Variants in CBLB observed in about 807,000 individuals in gnomAD.
CBLB encodes the protein Cbl proto-oncogene B.
CBLB carries 31 observed loss-of-function variants against 104.9 expected under a neutral mutation model. The ratio of observed to expected loss-of-function variants is 0.30; its 90% CI spans 0.22 to 0.40. The LOEUF is 0.40. Ranked by LOEUF, CBLB falls within the 10% of genes least tolerant of loss-of-function variation. The probability of loss-of-function intolerance (pLI) is 1.00; values close to 1 mark genes in which losing one functional copy is unlikely to be tolerated. For synonymous variants in CBLB, 440 were observed against 422.6 expected, an observed-to-expected ratio of 1.04 and a Z score of -0.51; for missense variants, 1,062 against 1,214.6, an observed-to-expected ratio of 0.87 and a Z score of 1.87.
At chr3:105,689,568 T>G (rs912656635) in intron 13 of CBLB, among the ~76,000 whole-genome samples, 1 of 151,124 alleles carries the variant, frequency 6.6e-6, no homozygotes, top group Admixed American at 6.6e-5. Context: ...TGGAAGTAAT[T>G]ACTCCATTAT....
At chr3:105,841,839 G>A (rs1028670040) in intron 3 of CBLB, among the ~76,000 whole-genome samples, 1 of 152,058 alleles carries the variant, frequency 6.6e-6, no homozygotes, top group African/African-American at 2.4e-5. Flanking sequence ...GAGAACATGA[G>A]ATACATTATG....
At chr3:105,847,717 C>T (rs1424601454) in intron 3 of CBLB, among the ~76,000 whole-genome samples, 4 of 151,944 alleles carry the variant, frequency 2.6e-5, no homozygotes, top group Admixed American at 2.6e-4. Context: ...CAGTATCCTT[C>T]GGCCATCATC....
At chr3:105,774,242 GT>G (rs34865170) in intron 4 of CBLB, among the ~76,000 whole-genome samples, 1 of 151,984 alleles carries the variant, frequency 6.6e-6, no homozygotes, top group Non-Finnish European at 1.5e-5. Flanking sequence ...GGAGAACTAA[GT>G]TTTGGGAAAA....
intron 10 of CBLB, among the ~76,000 whole-genome samples, chr3:105,711,467 T>C (rs187690190): frequency 6.6e-6 from 1 of 152,178 alleles, no homozygotes; most frequent in African/African-American, 2.4e-5. Flanking sequence ...ATACAGAATA[T>C]TATTCAGAGA....
chr3:105,855,226 G>C (rs1331968748), intron 2 of CBLB, among the ~76,000 whole-genome samples: 2 of 150,012 alleles, frequency 1.3e-5, no homozygotes, highest in East Asian at 3.9e-4. Context: ...CAAAGAAACA[G>C]AGAGTAGAAC....
At chr3:105,868,270 C>A (rs1706441883) in intron 1 of CBLB, 2 of 1,220,564 alleles carry the variant, frequency 1.6e-6, no homozygotes, top group Admixed American at 4.2e-5. Flanking sequence ...ATGACAAGAG[C>A]GGCCACGGAA....
At chr3:105,746,892 G>A (rs1057360425) in intron 5 of CBLB, among the ~76,000 whole-genome samples, 12 of 152,198 alleles carry the variant, frequency 7.9e-5, no homozygotes, top group African/African-American at 2.7e-4. Context: ...AATTGTCATT[G>A]AACAGATAGA....
chr3:105,802,322 T>G (rs1304797928), intron 3 of CBLB, among the ~76,000 whole-genome samples: 2 of 152,236 alleles, frequency 1.3e-5, no homozygotes, highest in East Asian at 3.8e-4. Context: ...TAATTCCTCC[T>G]TGGCCTTATG....
chr3:105,756,854 G>C (rs1026058641), intron 4 of CBLB, among the ~76,000 whole-genome samples: 2 of 152,190 alleles, frequency 1.3e-5, no homozygotes, highest in Admixed American at 1.3e-4. Flanking sequence ...CAATTTTGGA[G>C]GTAGAGCCCA....
At chr3:105,837,893 C>T (rs999618000) in intron 3 of CBLB, among the ~76,000 whole-genome samples, 1 of 152,126 alleles carries the variant, frequency 6.6e-6, no homozygotes, top group African/African-American at 2.4e-5. Context: ...TAACATCTCT[C>T]TTCTGCCTCC....
At chr3:105,820,363 G>C (rs1173124977) in intron 3 of CBLB, among the ~76,000 whole-genome samples, 1 of 152,176 alleles carries the variant, frequency 6.6e-6, no homozygotes, top group African/African-American at 2.4e-5. Context: ...CTGTGGCCCA[G>C]GGGTTAAGGA....
intron 3 of CBLB, among the ~76,000 whole-genome samples, chr3:105,789,320 T>C (rs2081379246): frequency 6.6e-6 from 1 of 152,172 alleles, no homozygotes; most frequent in African/African-American, 2.4e-5. Context: ...GTATCAAACA[T>C]CTTATTTAAG....
chr3:105,805,289 C>T (rs1221433618), intron 3 of CBLB, among the ~76,000 whole-genome samples: 1 of 151,296 alleles, frequency 6.6e-6, no homozygotes, highest in Non-Finnish European at 1.5e-5. Context: ...CTCCTCAAAA[C>T]ATATGGCCCC....
chr3:105,725,993 AG>A (rs2073569869), intron 9 of CBLB, among the ~76,000 whole-genome samples: 1 of 152,068 alleles, frequency 6.6e-6, no homozygotes, highest in African/African-American at 2.4e-5. Context: ...CTGGGATTAC[AG>A]GCTCCCGCCA....
chr3:105,753,861 A>G (rs1250536770), intron 4 of CBLB, among the ~76,000 whole-genome samples: 1 of 152,184 alleles, frequency 6.6e-6, no homozygotes, highest in Admixed American at 6.5e-5. Context: ...GTATGAACTT[A>G]AGAAAATTTT....
chr3:105,843,155 A>G (rs1405786747), intron 3 of CBLB, among the ~76,000 whole-genome samples: 1 of 152,216 alleles, frequency 6.6e-6, no homozygotes, highest in Non-Finnish European at 1.5e-5. Flanking sequence ...ACTATTTACT[A>G]TCTGGCTCTG....
chr3:105,793,726 A>T (rs1394469455), intron 3 of CBLB, among the ~76,000 whole-genome samples: 3 of 152,212 alleles, frequency 2.0e-5, no homozygotes, highest in Non-Finnish European at 4.4e-5. Context: ...ATGGGTGCTA[A>T]GGAACTCATC....
At chr3:105,869,320 G>T, upstream of CBLB, 2 of 1,241,762 alleles carry the variant, frequency 1.6e-6, no homozygotes, top group Non-Finnish European at 2.2e-6. Context: ...AGGGATGCAA[G>T]GCACGAAGGA....
chr3:105,701,874 G>A (rs150905020), intron 12 of CBLB, among the ~76,000 whole-genome samples: 1 of 151,930 alleles, frequency 6.6e-6, no homozygotes, highest in Non-Finnish European at 1.5e-5. Flanking sequence ...AAATTGTCTA[G>A]TGTCTTCACA....
Sources: allele counts gnomAD v4.1 joint callset (sites outside exome capture counted in the v4.1 genomes callset), GRCh38; gene constraint gnomAD v4.1.1; transcripts MANE v1.5; gene names NCBI Gene and HGNC (gene_info 2026-07-23, HGNC 2026-07-21).